The following CCDC27 variants were observed in gnomAD, a reference collection of about 807,000 sequenced individuals.
The protein encoded by CCDC27 is coiled-coil domain-containing protein 27.
In CCDC27, 80 loss-of-function variants were observed where a neutral mutation model predicts 80.3. That is an observed-to-expected ratio of 1.00 (90% CI 0.83 to 1.20). The LOEUF (loss-of-function observed/expected upper bound fraction) is 1.20, where lower values mean the gene tolerates loss of function less well. CCDC27 is among the 50% of genes most tolerant of loss of function. CCDC27 has a pLI of 0.00. For missense variants in CCDC27, 815 were observed against 809.4 expected, an observed-to-expected ratio of 1.01 and a Z score of -0.08; for synonymous variants, 342 against 334.3, an observed-to-expected ratio of 1.02 and a Z score of -0.25.
At chr1:3,756,620 A>T (rs1642960692) in intron 3 of CCDC27, 113 bp from the exon 4 acceptor site, 1 of 1,094,912 alleles carries the variant, frequency 9.1e-7, no homozygotes, top group African/African-American at 1.6e-5. Flanking sequence ...CTGTCTGGGC[A>T]GATAGGGGTT....
chr1:3,752,492 C>T lies in CCDC27; in HGVS notation c.11C>T (p.Ala4Val). Residue 4 changes from alanine to valine, a missense_variant, in exon 1 of 12, where the codon GCC becomes GTC. Physicochemically the swap from Ala to Val is moderately conservative, Grantham distance 64. Coordinates refer to ENST00000294600, the MANE Select transcript of CCDC27 (RefSeq NM_152492.3). ...CCAGCCAGCAGGTTCATGTTCGAGGCCATCTTCCCCTCCACACCCCAAGCC... is the reference window on the plus strand; with the variant it reads ...CCAGCCAGCAGGTTCATGTTCGAGGTCATCTTCCCCTCCACACCCCAAGCC... MFE[A>V]IFPSTPQARL... is the part of the protein sequence containing the mutation. The T allele has an allele frequency of 6.2e-7, 1 of 1,613,742 alleles. No homozygotes were observed. The highest frequency in any genetic ancestry group is 8.5e-7 in the Non-Finnish European group (1 of 1,179,820).
intron 4 of CCDC27, among the ~76,000 whole-genome samples, chr1:3,757,640 C>T (rs931595705): frequency 5.9e-5 from 9 of 151,962 alleles, no homozygotes. Flanking sequence ...GGGGTTTCCC[C>T]GGCCAGGCGA....
chr1:3,767,493 C>T (rs769531263), intron 10 of CCDC27, 48 bp downstream of exon 10: 14 of 1,529,752 alleles, frequency 9.2e-6, no homozygotes, highest in African/African-American at 4.1e-5. Context: ...AGCTGGCGGC[C>T]GAGCACCCAG....
intron 11 of CCDC27, among the ~76,000 whole-genome samples, chr1:3,770,492 G>C (rs558988614): frequency 2.4e-4 from 36 of 152,226 alleles, no homozygotes; most frequent in Non-Finnish European, 4.9e-4. Context: ...GATGGACAGC[G>C]CATGCTCACC....
Position 3,754,127 on chromosome 1 carries a change from A to G in CCDC27, c.328A>G (p.Lys110Glu), listed in dbSNP as rs75854782. Residue 110 changes from lysine to glutamate, a missense_variant, in exon 2 of 12, where the codon AAG becomes GAG. Physicochemically the swap from Lys to Glu is moderately conservative, Grantham distance 56 (BLOSUM62 1). Transcript: ENST00000294600. ...TTCCCCGCTCTGCCAGAGTGAACCC[A>G]AGGATGCCGCCAGCCTCACCGGCTT... ...SRYYRKTSEP[K>E]DAASLTGFMS... 2.9e-3 allele frequency: 4,646 copies of G among 1,613,410 alleles called. 91 individuals are homozygous for G. The African/African-American group carries it at 0.04, about 14-fold the overall frequency.
chr1:3,761,551 T>C lies in CCDC27; in HGVS notation c.861+121T>C, dbSNP rs1235802621. 1.0e-5 allele frequency: 12 copies of C among 1,175,338 alleles called. 1 individual carries two copies. The highest frequency in any genetic ancestry group is 9.4e-5 in the African/African-American group (6 of 64,114). 72.8% of individuals were successfully genotyped at this position (1,175,338 alleles called of 1,614,324 possible). A position where few individuals can be genotyped will look rare whatever the true frequency, so the allele number is the denominator to read the frequency against. ...CCCAGGCCCCCTGGATCCTATCAGGTCCTCACTGGAACGTGGACCGGTTCT... is the reference window on the plus strand; with the variant it reads ...CCCAGGCCCCCTGGATCCTATCAGGCCCTCACTGGAACGTGGACCGGTTCT... On this transcript the variant is annotated intron_variant, in intron 5 of 11. Coordinates refer to ENST00000294600, the MANE Select transcript of CCDC27 (RefSeq NM_152492.3). This position sits in a 1 kb window ranked among gnomAD's most constrained non-coding sequence, Gnocchi z 5.0.
At chr1:3,765,714 GT>G (rs1643211705) in intron 8 of CCDC27, among the ~76,000 whole-genome samples, 1 of 152,070 alleles carries the variant, frequency 6.6e-6, no homozygotes, top group Admixed American at 6.5e-5. Context: ...TTTCCTACAA[GT>G]TTGCTTTTGG....
chr1:3,754,189 G>A lies in CCDC27; in HGVS notation c.390G>A (p.Thr130=), dbSNP rs753167186. Residue 130 remains threonine (T), a synonymous_variant, in exon 2 of 12, where the codon ACG becomes ACA. Transcript: ENST00000294600. ...SKMELRRVFP[T]HPDCPQFSTR... is the part of the protein sequence containing the mutation. Reference sequence around the variant, plus strand: ...TGGAACTTCGAAGGGTCTTCCCCACGCATCCTGACTGCCCCCAGTTCAGCA... The same window carrying A: ...TGGAACTTCGAAGGGTCTTCCCCACACATCCTGACTGCCCCCAGTTCAGCA... 1.4e-5 allele frequency: 23 copies of A among 1,613,436 alleles called. No homozygotes were observed. The East Asian group carries it at 1.6e-4, about 11-fold the overall frequency.
rs1643071209 is a variant in CCDC27 at position 3,761,005 on chromosome 1, G to T, written c.712-276G>T. On this transcript the variant is annotated intron_variant, in intron 4 of 11. Transcript: ENST00000294600. The surrounding 1 kb of genome is among the most constrained non-coding windows in gnomAD (Gnocchi z 5.0). ...CCAGGTCCGAAAGGGAAGCTGCCTTGCAACTCCTCGGACGAGGATTTAGGA... is the reference window on the plus strand; with the variant it reads ...CCAGGTCCGAAAGGGAAGCTGCCTTTCAACTCCTCGGACGAGGATTTAGGA... Among the ~76,000 whole-genome samples the T allele has an allele frequency of 6.6e-6, 1 of 152,166 alleles. No homozygotes were observed. The highest frequency in any genetic ancestry group is 2.1e-4 in the South Asian group (1 of 4,832).
chr1:3,771,564 C>T lies in CCDC27; in HGVS notation c.*41C>T. On this transcript the variant is annotated 3_prime_UTR_variant, in exon 12 of 12. Coordinates refer to ENST00000294600, the MANE Select transcript of CCDC27 (RefSeq NM_152492.3). ...CAAATACGGTCAGCCCAGCAGAGGC[C>T]GGGGCCCAGCTCCAGAACCACCCGC... is the stretch of plus-strand genomic sequence containing the variant. 6.2e-7 allele frequency: 1 copy of T among 1,607,030 alleles called. No homozygotes were observed. The highest frequency in any genetic ancestry group is 8.5e-7 in the Non-Finnish European group (1 of 1,178,202).
chr1:3,766,797 T>C lies in CCDC27; in HGVS notation c.1530+185T>C, dbSNP rs1219545602. Among the ~76,000 whole-genome samples, 1 of 149,552 alleles carries C rather than the reference T, an allele frequency of 6.7e-6. No individual in the cohort carries two copies. Among genetic ancestry groups the C allele is most frequent in the Non-Finnish European group, 1.5e-5 (1 of 67,624 alleles). The stretch of plus-strand genomic sequence containing the variant: ...CAGAAGGCTCCTCGCAATTGCTGGG[T>C]CCAGACTGGACTGGAGGGACCCAGC... On this transcript the variant is annotated intron_variant, in intron 9 of 11. Coordinates refer to ENST00000294600, the MANE Select transcript of CCDC27 (RefSeq NM_152492.3). This position sits in a 1 kb window ranked among gnomAD's most constrained non-coding sequence, Gnocchi z 6.1.
Position 3,763,799 on chromosome 1 carries a change from G to C in CCDC27, c.1415G>C (p.Arg472Pro). The change falls in exon 8 of 12, where the codon CGA becomes CCA. Residue 472 changes from arginine to proline, a missense_variant. Transcript: ENST00000294600. The surrounding 1 kb of genome is among the most constrained non-coding windows in gnomAD (Gnocchi z 7.5). Reference protein sequence around the residue: ...TENETLQKELRERRQQLQAMT... With the variant: ...TENETLQKELPERRQQLQAMT... ...AATGAGACGCTGCAGAAGGAGCTCC[G>C]AGAGCGGAGGCAGCAGCTACAAGCC... The C allele has an allele frequency of 6.2e-7, 1 of 1,614,018 alleles. No homozygotes were observed. The highest frequency in any genetic ancestry group is 1.1e-5 in the South Asian group (1 of 91,082).
Position 3,768,892 on chromosome 1 carries a change from C to T in CCDC27, c.1744-891C>T, listed in dbSNP as rs974342888. On this transcript the variant is annotated intron_variant, in intron 10 of 11. Transcript: ENST00000294600. This position sits in a 1 kb window ranked among gnomAD's most constrained non-coding sequence, Gnocchi z 5.6. ...GGCACGGTGTTTGTACAAAGTTGGG[C>T]GCTCAATAAATACTGGAAAGAAGGA... is the stretch of plus-strand genomic sequence containing the variant. 6.6e-6 allele frequency among the ~76,000 whole-genome samples: 1 copy of T among 152,140 alleles called. No individual in the cohort carries two copies. The highest frequency in any genetic ancestry group is 1.9e-4 in the East Asian group (1 of 5,172).
rs368362035 is a variant in CCDC27, at chr1:3,771,270, C to G, written c.1849-131C>G. 2.6e-5 allele frequency: 29 copies of G among 1,125,790 alleles called. No individual in the cohort carries two copies. The East Asian group carries it at 3.1e-4, about 12-fold the overall frequency. 69.7% of individuals were successfully genotyped at this position (1,125,790 alleles called of 1,614,324 possible). A position where few individuals can be genotyped will look rare whatever the true frequency, so the allele number is the denominator to read the frequency against. On this transcript the variant is annotated intron_variant, in intron 11 of 11. Coordinates refer to ENST00000294600, the MANE Select transcript of CCDC27 (RefSeq NM_152492.3). ...GTAAGTATTCACCAGCACACCCCTG[C>G]TGCAGCAAGCCTCTCTGGAGGAGGA... is the stretch of plus-strand genomic sequence containing the variant.
chr1:3,753,320 CTTTTTTTTTT>C (rs71580220), intron 1 of CCDC27, among the ~76,000 whole-genome samples: 1 of 94,998 alleles, frequency 1.1e-5, no homozygotes, highest in Non-Finnish European at 2.0e-5. Flanking sequence ...TTTTCTTTTT[CTTTTTTTTTT>C]TTTTTTTTTT....
chr1:3,766,610 C>T lies in CCDC27; in HGVS notation c.1528C>T (p.Gln510Ter). 1.2e-6 allele frequency: 2 copies of T among 1,612,646 alleles called. No individual in the cohort carries two copies. Among genetic ancestry groups the T allele is most frequent in the African/African-American group, 2.7e-5 (2 of 74,962 alleles). ...LIEKDNQLLR[Q>*]QVSELERKLT... ...TGAAAAGGACAACCAGCTCCTCCGA[C>T]AGGTGACAGCCTGGGTGTCGTTAAA... Residue 510 changes from glutamine (Q) to a stop codon, truncating the protein, a stop_gained and splice_region_variant, in exon 9 of 12, where the codon CAG (glutamine) becomes TAG (stop). Transcript: ENST00000294600. LOFTEE classifies it high-confidence loss of function. The surrounding 1 kb of genome is among the most constrained non-coding windows in gnomAD (Gnocchi z 6.1).
rs1461880074 is a variant in CCDC27, at chr1:3,757,492, G to A, written c.711+602G>A. Among the ~76,000 whole-genome samples, 5 of 151,792 alleles carry A rather than the reference G, an allele frequency of 3.3e-5. No homozygotes were observed. The East Asian group carries it at 5.9e-4, about 18-fold the overall frequency. On this transcript the variant is annotated intron_variant, in intron 4 of 11. Coordinates refer to ENST00000294600, the MANE Select transcript of CCDC27 (RefSeq NM_152492.3). ...GTCTCACTCTGTCACCCAGGCTGGAGTGTGGTGGTGTGATCCCAGCTCACT... is the reference window on the plus strand; with the variant it reads ...GTCTCACTCTGTCACCCAGGCTGGAATGTGGTGGTGTGATCCCAGCTCACT...
rs139606578 is a variant in CCDC27, at chr1:3,763,194, C to T, written c.1041C>T (p.Pro347=). 103 of 1,517,540 alleles carry T rather than the reference C, an allele frequency of 6.8e-5. No individual in the cohort carries two copies. Among genetic ancestry groups the T allele is most frequent in the East Asian group, 1.4e-4 (6 of 41,642 alleles). The allele number at this position is 1,517,540 out of a possible 1,614,324, so 94.0% of individuals were successfully genotyped here. A position where few individuals can be genotyped will look rare whatever the true frequency, so the allele number is the denominator to read the frequency against. ...AGGACGAGGGCCTGGAAGGGGAGCC[C>T]GATGGGGTGGAGGACACGGGTGCCT... ...GEEDEGLEGE[P]DGVEDTGAWG... Residue 347 remains proline, a synonymous_variant, in exon 7 of 12, where the codon CCC becomes CCT. Coordinates refer to ENST00000294600, the MANE Select transcript of CCDC27 (RefSeq NM_152492.3). The surrounding 1 kb of genome is among the most constrained non-coding windows in gnomAD (Gnocchi z 7.5).
At chr1:3,756,353 A>AT (rs1642952322) in intron 3 of CCDC27, 3 of 160,222 alleles carry the variant, frequency 1.9e-5, no homozygotes, top group Admixed American at 6.2e-5. Flanking sequence ...AAGAAAAAAA[A>AT]AAAAAGAGAG....
Sources: gnomAD v4.1 joint callset for allele counts (sites outside exome capture counted in the v4.1 genomes callset) on GRCh38, gnomAD v4.1.1 for gene constraint, Gnocchi (gnomAD v3.1) non-coding constraint, MANE v1.5 for transcripts, NCBI Gene and HGNC (gene_info 2026-07-23, HGNC 2026-07-21) for gene names.